The following PITPNB variants were observed in gnomAD, a reference collection of about 807,000 sequenced individuals.
PITPNB encodes the protein phosphatidylinositol transfer protein beta isoform.
Under a neutral mutation model 45.9 loss-of-function variants are expected in PITPNB, and 16 were observed. That is an observed-to-expected ratio of 0.35 (90% CI 0.24 to 0.53). PITPNB has a LOEUF of 0.53. Among genes scored for constraint, PITPNB ranks in the 20% least tolerant of loss-of-function variants. The pLI is 0.93. For synonymous variants in PITPNB, 112 were observed against 108.9 expected, an observed-to-expected ratio of 1.03 and a Z score of -0.18; for missense variants, 188 against 330.5, an observed-to-expected ratio of 0.57 and a Z score of 3.34.
intron 7 of PITPNB, among the ~76,000 whole-genome samples, chr22:27,892,329 G>A (rs1569023692): frequency 1.3e-5 from 2 of 152,142 alleles, no homozygotes; most frequent in Non-Finnish European, 2.9e-5. Context: ...GCCCATTTTC[G>A]CCTGAGGACA....
chr22:27,855,083 CAAAT>C lies in PITPNB; in HGVS notation c.769-148_769-145del, dbSNP rs1252373284. On this transcript the variant is annotated intron_variant, in intron 10 of 11. Transcript: ENST00000335272. Reference sequence around the variant, plus strand: ...TTAAGAATGAAGTTCTGTGGCCCCTCAAATAACCTTGGTTTGAAGACATTCTTGC... The same window carrying C: ...TTAAGAATGAAGTTCTGTGGCCCCTCAACCTTGGTTTGAAGACATTCTTGC... 9.5e-4 allele frequency: 568 copies of C among 598,624 alleles called. 1 individual carries two copies. The Middle Eastern group carries it at 0.011, about 12-fold the overall frequency. 37.1% of individuals were successfully genotyped at this position (598,624 alleles called of 1,614,324 possible). A position where few individuals can be genotyped will look rare whatever the true frequency, so the allele number is the denominator to read the frequency against.
intron 6 of PITPNB, among the ~76,000 whole-genome samples, 178 bp downstream of exon 6, chr22:27,896,374 C>T (rs138187547): frequency 6.6e-6 from 1 of 152,124 alleles, no homozygotes; most frequent in East Asian, 1.9e-4. Context: ...TCAAGGCAAG[C>T]GGACTGATAG....
chr22:27,855,095 G>A (rs1316475587), intron 10 of PITPNB, among the ~76,000 whole-genome samples, 156 bp from the exon 11 acceptor site: 1 of 152,110 alleles, frequency 6.6e-6, no homozygotes, highest in Non-Finnish European at 1.5e-5. Flanking sequence ...AATAACCTTG[G>A]TTTGAAGACA....
rs139841872 is a variant in PITPNB, at chr22:27,907,828, T to C, written c.197+3136A>G. Among the ~76,000 whole-genome samples, 8 of 152,230 alleles carry C rather than the reference T, an allele frequency of 5.3e-5. No individual in the cohort carries two copies. In the East Asian group the frequency reaches 1.4e-3, roughly 26 times the overall value. On this transcript the variant is annotated intron_variant, in intron 3 of 11. Coordinates refer to ENST00000335272, the MANE Select transcript of PITPNB (RefSeq NM_012399.5). ...TTAGCTGTGACCTTGGGTAAATACGTGCCTTAGTGTCTTAGGTACAATATG... is the reference window on the plus strand; with the variant it reads ...TTAGCTGTGACCTTGGGTAAATACGCGCCTTAGTGTCTTAGGTACAATATG...
intron 8 of PITPNB, among the ~76,000 whole-genome samples, chr22:27,871,444 G>A (rs1934656316): frequency 6.6e-6 from 1 of 152,142 alleles, no homozygotes; most frequent in Non-Finnish European, 1.5e-5. Context: ...TAAAAGTATT[G>A]TCAGCTAGAG....
chr22:27,863,655 T>C (rs1226994128), intron 8 of PITPNB, among the ~76,000 whole-genome samples: 1 of 152,238 alleles, frequency 6.6e-6, no homozygotes, highest in Non-Finnish European at 1.5e-5. Flanking sequence ...ATCTTGGGTG[T>C]ACCTAGAACA....
rs750910896 is a variant in PITPNB at position 27,913,116 on chromosome 22, C to T, written c.51+1201G>A. ...ACCAGCTGAAATCAAAAGAAAAAGT[C>T]TAACAGAAACAAGTGTCAATTTCCA... On this transcript the variant is annotated intron_variant, in intron 2 of 11. Coordinates refer to ENST00000335272, the MANE Select transcript of PITPNB (RefSeq NM_012399.5). Among the ~76,000 whole-genome samples the T allele has an allele frequency of 5.3e-5, 8 of 151,924 alleles. No homozygotes were observed. In the South Asian group the frequency reaches 8.3e-4, roughly 16 times the overall value.
chr22:27,890,935 T>G (rs923583295), intron 7 of PITPNB, among the ~76,000 whole-genome samples: 7 of 152,206 alleles, frequency 4.6e-5, no homozygotes, highest in Admixed American at 1.3e-4. Flanking sequence ...AAGATGAATC[T>G]TGTAAATCAA....
chr22:27,910,867 TA>T, intron 3 of PITPNB, 96 bp downstream of exon 3: 1 of 805,824 alleles, frequency 1.2e-6, no homozygotes, highest in Non-Finnish European at 2.1e-6. Flanking sequence ...AAACTGAAAT[TA>T]AAAATGTACT....
intron 3 of PITPNB, among the ~76,000 whole-genome samples, chr22:27,908,349 AT>A (rs1292538411): frequency 7.3e-6 from 1 of 136,664 alleles, no homozygotes; most frequent in East Asian, 2.2e-4. Flanking sequence ...TTTTTTTCTG[AT>A]TTTTTTCAAA....
intron 2 of PITPNB, among the ~76,000 whole-genome samples, chr22:27,912,360 G>A (rs771104471): frequency 3.5e-4 from 54 of 152,318 alleles, no homozygotes; most frequent in Admixed American, 2.6e-4. Context: ...TGTAGGGCCT[G>A]CAGACAGGAC....
intron 8 of PITPNB, among the ~76,000 whole-genome samples, chr22:27,864,609 C>T (rs1332697272): frequency 6.6e-6 from 1 of 152,100 alleles, no homozygotes; most frequent in Non-Finnish European, 1.5e-5. Context: ...CATAGGCCTT[C>T]CATACGATGG....
intron 7 of PITPNB, among the ~76,000 whole-genome samples, chr22:27,878,376 TA>T (rs1934878796): frequency 2.0e-5 from 3 of 151,958 alleles, no homozygotes; most frequent in Admixed American, 6.6e-5. Flanking sequence ...GTAAGCCCAT[TA>T]AAAAAAAGTT....
chr22:27,857,504 T>C (rs1934206177), intron 10 of PITPNB, among the ~76,000 whole-genome samples: 2 of 152,166 alleles, frequency 1.3e-5, no homozygotes, highest in South Asian at 4.1e-4. Flanking sequence ...GCTGCCATTC[T>C]CCTGTGATTA....
chr22:27,915,600 C>T (rs1936053508), intron 1 of PITPNB, among the ~76,000 whole-genome samples: 2 of 152,140 alleles, frequency 1.3e-5, no homozygotes, highest in Admixed American at 6.5e-5. Context: ...GAGTTACTCG[C>T]CACTCTTTGT....
chr22:27,898,101 T>C, intron 3 of PITPNB: 1 of 499,888 alleles, frequency 2.0e-6, no homozygotes. Context: ...TTTAGCTGGG[T>C]ATGGTGGCTC....
intron 3 of PITPNB, among the ~76,000 whole-genome samples, chr22:27,904,244 A>G (rs1269107401): frequency 6.6e-6 from 1 of 152,254 alleles, no homozygotes; most frequent in Non-Finnish European, 1.5e-5. Flanking sequence ...ATGTTCAACA[A>G]CTGATGAATG....
chr22:27,861,258 A>G (rs942811028), intron 8 of PITPNB, among the ~76,000 whole-genome samples: 1 of 151,964 alleles, frequency 6.6e-6, no homozygotes. Context: ...CTGAGGTCAC[A>G]TCATTGCCCT....
chr22:27,856,991 G>A (rs1569002548), intron 10 of PITPNB, among the ~76,000 whole-genome samples: 1 of 152,190 alleles, frequency 6.6e-6, no homozygotes, highest in Non-Finnish European at 1.5e-5. Flanking sequence ...AGAAAGGTAG[G>A]AAGTGCCCAT....
Sources: gnomAD v4.1 joint callset for allele counts (sites outside exome capture counted in the v4.1 genomes callset) on GRCh38, gnomAD v4.1.1 for gene constraint, MANE v1.5 for transcripts, NCBI Gene and HGNC (gene_info 2026-07-23, HGNC 2026-07-21) for gene names.